TENM2: variants seen among roughly 807,000 people sequenced by gnomAD.
TENM2 encodes teneurin transmembrane protein 2.
Under a neutral mutation model 245.2 loss-of-function variants are expected in TENM2, and 52 were observed. That is an observed-to-expected ratio of 0.21 (90% confidence interval 0.17 to 0.27). TENM2 has a LOEUF of 0.27. TENM2 is among the 10% of genes least tolerant of loss of function. The pLI is 1.00. For synonymous variants in TENM2, 1,363 were observed against 1,438.9 expected (o/e 0.95, Z 1.19); for missense variants, 3,046 against 3,666.8 (o/e 0.83, Z 4.37).
rs533019403 is a variant in TENM2 at position 167,772,630 on chromosome 5, T to A, written c.503-103356T>A. Among the ~76,000 whole-genome samples, 33 of 152,250 alleles carry A rather than the reference T, an allele frequency of 2.2e-4. No individual in the cohort carries two copies. In the South Asian group the frequency reaches 6.8e-3, roughly 32 times the overall value. ...ACTTACCAAGTATCAGACCCACTTT[T>A]TTTTTTTTGCAGTTTATAATACAAA... On this transcript the variant is annotated intron_variant, in intron 2 of 28. Transcript: ENST00000518659.
chr5:167,364,999 G>C (rs1017406873), intron 1 of TENM2, among the ~76,000 whole-genome samples: 1 of 151,916 alleles, frequency 6.6e-6, no homozygotes, highest in South Asian at 2.1e-4. Flanking sequence ...GAGAATTCTC[G>C]TATCACATTA....
chr5:167,777,719 G>C (rs1763909861), intron 2 of TENM2, among the ~76,000 whole-genome samples: 1 of 152,188 alleles, frequency 6.6e-6, no homozygotes, highest in South Asian at 2.1e-4. Flanking sequence ...GATATGTTAA[G>C]TGCTTATATG....
the TENM2 span, among the ~76,000 whole-genome samples, chr5:167,157,085 ACT>A: frequency 2.0e-5 from 3 of 152,098 alleles, no homozygotes; most frequent in African/African-American, 7.2e-5. Flanking sequence ...AGTTTTGTAG[ACT>A]CTCACACCAT....
intron 5 of TENM2, among the ~76,000 whole-genome samples, chr5:167,998,600 G>C (rs1784221419): frequency 6.6e-6 from 1 of 152,184 alleles, no homozygotes; most frequent in African/African-American, 2.4e-5. Context: ...GTTGGTAAGG[G>C]AAGGCAGGAG....
the TENM2 span, among the ~76,000 whole-genome samples, chr5:167,130,749 C>T: frequency 6.6e-6 from 1 of 152,178 alleles, no homozygotes; most frequent in Non-Finnish European, 1.5e-5. Context: ...CTGCCACCCT[C>T]CTTGGGGTCT....
intron 2 of TENM2, among the ~76,000 whole-genome samples, chr5:167,620,779 G>A (rs1371127054): frequency 1.3e-5 from 2 of 151,886 alleles, no homozygotes; most frequent in African/African-American, 4.8e-5. Flanking sequence ...GAGGTTTAGA[G>A]CTCTGGTCTC....
chr5:167,552,919 T>TAATGAATGAATGAATG (rs10657967), intron 2 of TENM2, among the ~76,000 whole-genome samples: 30 of 150,680 alleles, frequency 2.0e-4, no homozygotes, highest in African/African-American at 6.3e-4. Flanking sequence ...GGTAAGTTAA[T>TAATGAATGAATGAATG]AATGAATGAA....
intron 2 of TENM2, among the ~76,000 whole-genome samples, chr5:167,808,363 G>A (rs1318847447): frequency 2.0e-5 from 3 of 152,144 alleles, no homozygotes; most frequent in East Asian, 1.9e-4. Context: ...GGATTCAAGC[G>A]ATTTTCCTGC....
chr5:167,280,524 T>C (rs993199725), upstream of TENM2, among the ~76,000 whole-genome samples: 1 of 152,158 alleles, frequency 6.6e-6, no homozygotes, highest in Non-Finnish European at 1.5e-5. Context: ...GGGCAAGCTT[T>C]CCACTTGGTC....
At chr5:167,307,512 C>A (rs914285388) in intron 1 of TENM2, among the ~76,000 whole-genome samples, 2 of 152,038 alleles carry the variant, frequency 1.3e-5, no homozygotes, top group Non-Finnish European at 2.9e-5. Flanking sequence ...ATATCAGAAC[C>A]GAACAAACCT....
chr5:167,027,769 G>T, the TENM2 span, among the ~76,000 whole-genome samples: 3 of 152,052 alleles, frequency 2.0e-5, no homozygotes, highest in African/African-American at 7.2e-5. Context: ...TATTGTTTCA[G>T]ATATCCATAT....
the TENM2 span, among the ~76,000 whole-genome samples, chr5:167,200,259 C>T: frequency 6.6e-6 from 1 of 152,036 alleles, no homozygotes; most frequent in Non-Finnish European, 1.5e-5. Context: ...TTATTGTTTA[C>T]AGTAGATTCC....
chr5:168,007,649 A>G (rs948131753), intron 5 of TENM2, among the ~76,000 whole-genome samples: 6 of 152,130 alleles, frequency 3.9e-5, no homozygotes, highest in African/African-American at 1.4e-4. Context: ...ACCTTGACAC[A>G]GAATTCCTTT....
chr5:167,412,688 G>A (rs560390387), intron 2 of TENM2, among the ~76,000 whole-genome samples: 3 of 152,092 alleles, frequency 2.0e-5, no homozygotes, highest in East Asian at 3.9e-4. Flanking sequence ...TTTCCCAATG[G>A]TTTGAAAAAA....
chr5:167,577,410 T>C (rs2127673508), intron 2 of TENM2, among the ~76,000 whole-genome samples: 1 of 152,298 alleles, frequency 6.6e-6, no homozygotes, highest in South Asian at 2.1e-4. Context: ...TTTTCCTTCC[T>C]GAGGTGTGAA....
intron 2 of TENM2, among the ~76,000 whole-genome samples, chr5:167,383,484 A>G (rs544497291): frequency 1.3e-5 from 2 of 152,112 alleles, no homozygotes; most frequent in African/African-American, 4.8e-5. Flanking sequence ...GCTCTGAACC[A>G]GTTCGAATCT....
chr5:168,174,889 C>T (rs761842448), intron 13 of TENM2, among the ~76,000 whole-genome samples: 8 of 152,148 alleles, frequency 5.3e-5, no homozygotes, highest in Non-Finnish European at 8.8e-5. Flanking sequence ...TTGGAATAAA[C>T]GAAAAATGTG....
intron 5 of TENM2, among the ~76,000 whole-genome samples, chr5:168,024,389 G>A (rs991629989): frequency 6.6e-6 from 1 of 152,172 alleles, no homozygotes; most frequent in Admixed American, 6.5e-5. Flanking sequence ...TTAATTTGGA[G>A]TTTTACAGAC....
chr5:167,565,181 A>C (rs1773834129), intron 2 of TENM2, among the ~76,000 whole-genome samples: 1 of 152,264 alleles, frequency 6.6e-6, no homozygotes, highest in South Asian at 2.1e-4. Flanking sequence ...CAGTAGGACA[A>C]GGCTATTAAG....
Sources: allele counts gnomAD v4.1 joint callset (sites outside exome capture counted in the v4.1 genomes callset), GRCh38; gene constraint gnomAD v4.1.1; transcripts MANE v1.5; gene names NCBI Gene and HGNC (gene_info 2026-07-23, HGNC 2026-07-21).